The following CELA2A variants were observed in gnomAD, a reference collection of about 807,000 sequenced individuals.
The protein encoded by CELA2A is chymotrypsin like elastase 2A.
CELA2A carries 31 observed loss-of-function variants against 35.3 expected under a neutral mutation model. The ratio of observed to expected loss-of-function variants is 0.88; its 90% confidence interval spans 0.66 to 1.19. CELA2A has a LOEUF of 1.19. Ranked by LOEUF, CELA2A falls within the 50% of genes most tolerant of loss-of-function variation. CELA2A has a pLI of 0.00. For synonymous variants in CELA2A, 150 were observed against 149.8 expected (o/e 1.00, Z -0.01); for missense variants, 330 against 352.9 (o/e 0.94, Z 0.52).
intron 3 of CELA2A, chr1:15,461,893 G>A (rs1202820284): frequency 1.5e-6 from 1 of 687,400 alleles, no homozygotes; most frequent in Non-Finnish European, 2.7e-6. Context: ...TGAAGAGGAG[G>A]GGAAGGCCCA....
In CELA2A at chr1:15,462,857, A is replaced by G; in HGVS notation, c.352A>G (p.Lys118Glu). Residue 118 changes from lysine (K) to glutamate (E), a missense_variant, in exon 4 of 8, where the codon AAA (lysine) becomes GAA (glutamate). By Grantham distance (56) the Lys-to-Glu change is moderately conservative. Transcript: ENST00000359621. Reference protein sequence around the residue: ...HKDWNSNQISKGNDIALLKLA... With the variant: ...HKDWNSNQISEGNDIALLKLA... ...GGACTGGAACTCCAACCAAATCTCCAAAGGGTTCGTTTCTGTCTGGGTGCA... is the reference window on the plus strand; with the variant it reads ...GGACTGGAACTCCAACCAAATCTCCGAAGGGTTCGTTTCTGTCTGGGTGCA... 3 of 1,613,664 alleles carry G rather than the reference A, an allele frequency of 1.9e-6. No homozygotes were observed. Among genetic ancestry groups the G allele is most frequent in the Non-Finnish European group, 2.5e-6 (3 of 1,179,754 alleles).
At chr1:15,470,267 T>A (rs982059161) in intron 7 of CELA2A, among the ~76,000 whole-genome samples, 1 of 151,992 alleles carries the variant, frequency 6.6e-6, no homozygotes, top group Non-Finnish European at 1.5e-5. Flanking sequence ...CACATACCAC[T>A]AGAGCCCTGG....
intron 5 of CELA2A, among the ~76,000 whole-genome samples, chr1:15,464,271 C>G (rs1402445543): frequency 6.6e-6 from 1 of 152,092 alleles, no homozygotes; most frequent in South Asian, 2.1e-4. Flanking sequence ...ACCCCTGGAG[C>G]CCTCATCAGA....
In CELA2A at chr1:15,465,003, CTTTTTTTT is replaced by C. The variant is rs34001591; in HGVS notation, c.494-977_494-970del. Among the ~76,000 whole-genome samples, 113 of 77,466 alleles carry C rather than the reference CTTTTTTTT, an allele frequency of 1.5e-3. 1 individual carries two copies. In the East Asian group the frequency reaches 0.043, roughly 30 times the overall value. 50.8% of individuals were successfully genotyped at this position (77,466 alleles called of 152,430 possible). On this transcript the variant is annotated intron_variant, in intron 5 of 7. Coordinates refer to ENST00000359621, the MANE Select transcript of CELA2A (RefSeq NM_033440.3). ...GTCTTAAGCCAGACACTTAACTTCC[CTTTTTTTT>C]TTTTTTTTTTTTTTTTTTGAGACAG...
chr1:15,467,893 C>T (rs1188092305), intron 7 of CELA2A, among the ~76,000 whole-genome samples: 1 of 151,900 alleles, frequency 6.6e-6, no homozygotes. Flanking sequence ...TCAAGACCAG[C>T]CTGACCAACC....
intron 2 of CELA2A, among the ~76,000 whole-genome samples, chr1:15,460,735 T>G (rs919950121): frequency 6.6e-6 from 1 of 152,032 alleles, no homozygotes; most frequent in East Asian, 1.9e-4. Context: ...AAGTTCTCAC[T>G]ATGGTGCCCA....
At chr1:15,469,213 C>T (rs1456144539) in intron 7 of CELA2A, among the ~76,000 whole-genome samples, 1 of 152,042 alleles carries the variant, frequency 6.6e-6, no homozygotes, top group South Asian at 2.1e-4. Flanking sequence ...GAAAGAGTTG[C>T]CCATGAGAGG....
At chr1:15,468,229 T>C (rs1181398919) in intron 7 of CELA2A, among the ~76,000 whole-genome samples, 1 of 151,924 alleles carries the variant, frequency 6.6e-6, no homozygotes, top group Non-Finnish European at 1.5e-5. Flanking sequence ...AAACCTGATA[T>C]CCCCATAGCA....
chr1:15,463,639 C>T (rs532040950), intron 5 of CELA2A, 117 bp downstream of exon 5: 64 of 1,515,570 alleles, frequency 4.2e-5, no homozygotes, highest in African/African-American at 9.6e-5. Context: ...CTTGGAGAGA[C>T]GGGATGGCAT....
At chr1:15,463,925 A>G (rs1708476474) in intron 5 of CELA2A, among the ~76,000 whole-genome samples, 3 of 151,524 alleles carry the variant, frequency 2.0e-5, no homozygotes, top group Admixed American at 6.6e-5. Flanking sequence ...GGCAGTGTGC[A>G]CCTGTAGTCC....
chr1:15,462,284 G>T (rs1708446193), intron 3 of CELA2A: 2 of 465,164 alleles, frequency 4.3e-6, no homozygotes, highest in South Asian at 3.1e-5. Context: ...GAGGTATTGG[G>T]GAAAATAATA....
At chr1:15,462,985 C>A in intron 4 of CELA2A, 124 bp downstream of exon 4, 1 of 1,393,652 alleles carries the variant, frequency 7.2e-7, no homozygotes, top group Non-Finnish European at 1.0e-6. Context: ...GGGGAAGGAG[C>A]TCTGGCCTCT....
chr1:15,471,334 G>A (rs953306036), intron 7 of CELA2A, among the ~76,000 whole-genome samples: 1 of 152,136 alleles, frequency 6.6e-6, no homozygotes, highest in Non-Finnish European at 1.5e-5. Flanking sequence ...ATCACTTGAG[G>A]TCAGCAGTTT....
At chr1:15,461,325 G>A (rs1327057110) in intron 2 of CELA2A, among the ~76,000 whole-genome samples, 1 of 152,208 alleles carries the variant, frequency 6.6e-6, no homozygotes, top group Non-Finnish European at 1.5e-5. Flanking sequence ...GCCTCCCGAA[G>A]TGTTGGGATT....
intron 5 of CELA2A, 95 bp downstream of exon 5, chr1:15,463,617 G>C (rs1708471238): frequency 6.3e-7 from 1 of 1,579,782 alleles, no homozygotes; most frequent in African/African-American, 1.3e-5. Context: ...TCATCCCAGG[G>C]TGTGTGGCTG....
intron 5 of CELA2A, among the ~76,000 whole-genome samples, chr1:15,465,003 CTTTTTTT>C (rs34001591): frequency 5.2e-5 from 4 of 77,406 alleles, no homozygotes; most frequent in Non-Finnish European, 7.4e-5. Flanking sequence ...CTTAACTTCC[CTTTTTTT>C]TTTTTTTTTT....
rs1422973979 is a variant in CELA2A, at chr1:15,460,709, T to A, written c.130-852T>A. Among the ~76,000 whole-genome samples the A allele has an allele frequency of 9.2e-5, 14 of 152,208 alleles. No individual in the cohort carries two copies. The East Asian group carries it at 2.3e-3, about 25-fold the overall frequency. Reference sequence around the variant, plus strand: ...CTGTTAATTTTATTTTATTTTAAAATTTTTTTGGTAGGGTCAAGTTCTCAC... The same window carrying A: ...CTGTTAATTTTATTTTATTTTAAAAATTTTTTGGTAGGGTCAAGTTCTCAC... On this transcript the variant is annotated intron_variant, in intron 2 of 7. Transcript: ENST00000359621.
At chr1:15,462,691 G>T (rs1255156227) in intron 3 of CELA2A, 42 bp from the exon 4 acceptor site, 1 of 1,610,704 alleles carries the variant, frequency 6.2e-7, no homozygotes, top group Non-Finnish European at 8.5e-7. Context: ...CCAAAGCCAG[G>T]CCTCTGGAGG....
At position 15,466,132 on chromosome 1, in the gene CELA2A, C is replaced by G. The variant is rs201716954; in HGVS notation, c.627C>G (p.Ile209Met). ...SMICAGGDGV[I>M]SSCNGDSGGP... Reference sequence around the variant, plus strand: ...TCTGTGCTGGGGGTGATGGCGTGATCTCCAGCTGCAACGTGAGTACCAAAA... The same window carrying G: ...TCTGTGCTGGGGGTGATGGCGTGATGTCCAGCTGCAACGTGAGTACCAAAA... The change falls in exon 6 of 8, where the codon ATC becomes ATG. Residue 209 changes from isoleucine to methionine, a missense_variant. Physicochemically the swap from Ile to Met is conservative, Grantham distance 10. Coordinates refer to ENST00000359621, the MANE Select transcript of CELA2A (RefSeq NM_033440.3). 1 of 1,613,982 alleles carries G rather than the reference C, an allele frequency of 6.2e-7. No individual in the cohort carries two copies. Among genetic ancestry groups the G allele is most frequent in the Non-Finnish European group, 8.5e-7 (1 of 1,179,930 alleles).
Sources: allele counts gnomAD v4.1 joint callset (sites outside exome capture counted in the v4.1 genomes callset), GRCh38; gene constraint gnomAD v4.1.1; transcripts MANE v1.5; gene names NCBI Gene and HGNC (gene_info 2026-07-23, HGNC 2026-07-21).